Variants in RAD51B observed in about 807,000 individuals in gnomAD.
RAD51B encodes DNA repair protein RAD51 homolog 2.
A neutral mutation model predicts 42.2 loss-of-function variants in RAD51B; 38 were observed. The observed-to-expected ratio is 0.90, with a 90% CI of 0.70 to 1.18. The LOEUF (loss-of-function observed/expected upper bound fraction) is 1.18, where lower values mean the gene tolerates loss of function less well. RAD51B is among the 50% of genes most tolerant of loss of function. The probability of loss-of-function intolerance (pLI) is 0.00; values close to 1 mark genes in which losing one functional copy is unlikely to be tolerated. For missense variants in RAD51B, 373 were observed against 400.7 expected (o/e 0.93, Z 0.59); for synonymous variants, 154 against 145.2 (o/e 1.06, Z -0.43).
chr14:68,182,868 A>G (rs1334740720), intron 7 of RAD51B, among the ~76,000 whole-genome samples: 1 of 152,198 alleles, frequency 6.6e-6, no homozygotes, highest in East Asian at 1.9e-4. Context: ...TGAGCCACCT[A>G]GATTAGGGGC....
chr14:68,135,683 C>G (rs1170327132), intron 7 of RAD51B, among the ~76,000 whole-genome samples: 1 of 152,182 alleles, frequency 6.6e-6, no homozygotes, highest in Admixed American at 6.5e-5. Flanking sequence ...ATGTCCAAAT[C>G]TTAGTGAATG....
exon 11 of RAD51B, chr14:68,611,499 C>T: frequency 1.9e-6 from 1 of 519,864 alleles, no homozygotes. Flanking sequence ...GAGCTTCTGC[C>T]CTCCTTGCAG....
At chr14:68,390,266 C>T (rs982589965) in intron 8 of RAD51B, among the ~76,000 whole-genome samples, 25 of 152,298 alleles carry the variant, frequency 1.6e-4, no homozygotes, top group East Asian at 9.6e-4. Flanking sequence ...GAAAAATCTA[C>T]GCCTCGAAGT....
At chr14:68,396,409 A>G (rs1486773380) in intron 8 of RAD51B, among the ~76,000 whole-genome samples, 2 of 152,244 alleles carry the variant, frequency 1.3e-5, no homozygotes, top group East Asian at 3.8e-4. Context: ...TTCATTGCAG[A>G]GTGAACACTG....
intron 7 of RAD51B, among the ~76,000 whole-genome samples, chr14:68,215,358 A>G (rs890181169): frequency 1.3e-5 from 2 of 152,160 alleles, no homozygotes; most frequent in African/African-American, 2.4e-5. Flanking sequence ...GAAGGTGGAG[A>G]AGAGGAAGCA....
At chr14:68,441,008 C>T (rs1375058825) in intron 9 of RAD51B, among the ~76,000 whole-genome samples, 2 of 152,046 alleles carry the variant, frequency 1.3e-5, no homozygotes, top group Admixed American at 6.5e-5. Flanking sequence ...ACTTTATAGA[C>T]CTTGGGGTCA....
intron 7 of RAD51B, among the ~76,000 whole-genome samples, chr14:68,235,756 A>G (rs1192477741): frequency 2.0e-5 from 3 of 150,460 alleles, no homozygotes; most frequent in African/African-American, 7.3e-5. Flanking sequence ...ACCTGCGTGC[A>G]TGTGTTCATT....
At chr14:68,231,369 T>C (rs77303765) in intron 7 of RAD51B, among the ~76,000 whole-genome samples, 1 of 152,294 alleles carries the variant, frequency 6.6e-6, no homozygotes, top group Admixed American at 6.5e-5. Flanking sequence ...TTATTGAATC[T>C]CTCCCCTTCT....
At chr14:68,029,951 T>C (rs1445112271) in intron 7 of RAD51B, among the ~76,000 whole-genome samples, 1 of 152,250 alleles carries the variant, frequency 6.6e-6, no homozygotes, top group Non-Finnish European at 1.5e-5. Context: ...CTATTAGAGC[T>C]CTTGGTTGAC....
At chr14:68,253,118 G>A (rs1387368990) in intron 7 of RAD51B, among the ~76,000 whole-genome samples, 1 of 151,010 alleles carries the variant, frequency 6.6e-6, no homozygotes, top group Non-Finnish European at 1.5e-5. Context: ...TTGTAAATTT[G>A]GTCAAATTCT....
chr14:68,224,510 C>T (rs932055755), intron 7 of RAD51B, among the ~76,000 whole-genome samples: 1 of 152,006 alleles, frequency 6.6e-6, no homozygotes, highest in Non-Finnish European at 1.5e-5. Context: ...TTGTGAAAAG[C>T]CTTTCGGGTT....
chr14:68,113,117 A>G (rs1426316858), intron 7 of RAD51B, among the ~76,000 whole-genome samples: 1 of 152,092 alleles, frequency 6.6e-6, no homozygotes, highest in Non-Finnish European at 1.5e-5. Flanking sequence ...TCTTACTAGA[A>G]TTTACATCAG....
At chr14:68,619,943 T>C (rs1346489274) in intron 10 of RAD51B, among the ~76,000 whole-genome samples, 1 of 152,168 alleles carries the variant, frequency 6.6e-6, no homozygotes, top group Non-Finnish European at 1.5e-5. Context: ...TTCCTAGACT[T>C]TCACTTGATC....
At chr14:68,134,334 T>TTAAC (rs2077964732) in intron 7 of RAD51B, among the ~76,000 whole-genome samples, 1 of 152,218 alleles carries the variant, frequency 6.6e-6, no homozygotes, top group Non-Finnish European at 1.5e-5. Context: ...CATAGTTTGT[T>TTAAC]TAACTATTCA....
chr14:68,618,574 T>C (rs1055269010), intron 10 of RAD51B, among the ~76,000 whole-genome samples: 1 of 152,212 alleles, frequency 6.6e-6, no homozygotes, highest in African/African-American at 2.4e-5. Context: ...CATAGCTTGA[T>C]AAATAATCCC....
chr14:68,321,998 T>C (rs527822195), intron 8 of RAD51B, among the ~76,000 whole-genome samples: 1 of 152,134 alleles, frequency 6.6e-6, no homozygotes, highest in African/African-American at 2.4e-5. Context: ...GGTCTCAAAC[T>C]CCTGAGCTCA....
chr14:68,367,809 T>A (rs1052413530), intron 8 of RAD51B, among the ~76,000 whole-genome samples: 20 of 152,092 alleles, frequency 1.3e-4, no homozygotes, highest in African/African-American at 4.1e-4. Flanking sequence ...CCTGAGGAAG[T>A]GGGATTATTA....
chr14:68,353,991 A>G (rs1359266365), intron 8 of RAD51B, among the ~76,000 whole-genome samples: 1 of 152,224 alleles, frequency 6.6e-6, no homozygotes, highest in African/African-American at 2.4e-5. Flanking sequence ...GCAAGCAAGC[A>G]TATGATCCTT....
At chr14:67,949,065 A>G (rs2074393355) in intron 7 of RAD51B, among the ~76,000 whole-genome samples, 2 of 151,914 alleles carry the variant, frequency 1.3e-5, no homozygotes, top group Non-Finnish European at 1.5e-5. Flanking sequence ...TCCCCTCTCA[A>G]TGTTGATAGC....
Sources: allele counts gnomAD v4.1 joint callset (sites outside exome capture counted in the v4.1 genomes callset), GRCh38; gene constraint gnomAD v4.1.1; transcripts MANE v1.5; gene names NCBI Gene and HGNC (gene_info 2026-07-23, HGNC 2026-07-21).